Variants in ATP8A2 observed in about 807,000 individuals in gnomAD.
ATP8A2 encodes ATPase phospholipid transporting 8A2.
A neutral mutation model predicts 165.6 loss-of-function variants in ATP8A2; 100 were observed. The observed-to-expected ratio is 0.60, with a 90% confidence interval of 0.51 to 0.71. The LOEUF (loss-of-function observed/expected upper bound fraction) is 0.71. Among genes scored for constraint, ATP8A2 ranks in the 30% least tolerant of loss-of-function variants. The pLI is 0.00. For synonymous variants in ATP8A2, 543 were observed against 548.8 expected (o/e 0.99, Z 0.15); for missense variants, 1,227 against 1,479.5 (o/e 0.83, Z 2.80).
At chr13:25,398,540 T>C (rs1326005246) in intron 1 of ATP8A2, among the ~76,000 whole-genome samples, 1 of 152,202 alleles carries the variant, frequency 6.6e-6, no homozygotes, top group Non-Finnish European at 1.5e-5. Flanking sequence ...TTGTGATCAC[T>C]GTGGGCCATC....
At chr13:25,437,273 C>A (rs1566132714) in intron 1 of ATP8A2, among the ~76,000 whole-genome samples, 1 of 152,152 alleles carries the variant, frequency 6.6e-6, no homozygotes, top group Non-Finnish European at 1.5e-5. Context: ...TGGAATACTT[C>A]ATCTTAGCAC....
intron 29 of ATP8A2, among the ~76,000 whole-genome samples, chr13:25,838,156 A>T (rs1951667991): frequency 6.6e-6 from 1 of 152,038 alleles, no homozygotes; most frequent in African/African-American, 2.4e-5. Flanking sequence ...GGCGGTCATG[A>T]TTTGCGTGCA....
chr13:25,830,228 G>C (rs1593414206), intron 28 of ATP8A2, among the ~76,000 whole-genome samples: 1 of 151,854 alleles, frequency 6.6e-6, no homozygotes, highest in Non-Finnish European at 1.5e-5. Flanking sequence ...GCCCAGATTG[G>C]TCTCAAACTC....
At position 25,632,456 on chromosome 13, in the gene ATP8A2, C is replaced by T. The variant is rs375652816; in HGVS notation, c.2211+42757C>T. ...TGACCTAGGGGTCACTGGTAGCCAT[C>T]TCATTAACATGCGAAAGACATCACT... On this transcript the variant is annotated intron_variant, in intron 24 of 36. Transcript: ENST00000381655. 3.3e-5 allele frequency among the ~76,000 whole-genome samples: 5 copies of T among 152,318 alleles called. No individual in the cohort carries two copies. The East Asian group carries it at 7.7e-4, about 24-fold the overall frequency.
chr13:25,596,380 A>G (rs1296097516), intron 24 of ATP8A2, among the ~76,000 whole-genome samples: 1 of 152,248 alleles, frequency 6.6e-6, no homozygotes, highest in African/African-American at 2.4e-5. Flanking sequence ...AAATGTATAT[A>G]AGCATGTAAT....
chr13:25,621,661 A>C lies in ATP8A2; in HGVS notation c.2211+31962A>C, dbSNP rs143105625. The stretch of plus-strand genomic sequence containing the variant: ...GAAAACTGGAAAAAAGGTAGGATTC[A>C]TAAGACAGTGGATTCCCATCCAGTG... On this transcript the variant is annotated intron_variant, in intron 24 of 36. Transcript: ENST00000381655. Among the ~76,000 whole-genome samples, 9 of 152,342 alleles carry C rather than the reference A, an allele frequency of 5.9e-5. No homozygotes were observed. The East Asian group carries it at 1.5e-3, about 26-fold the overall frequency.
chr13:25,842,677 AAAAG>A (rs1360774275), intron 30 of ATP8A2, among the ~76,000 whole-genome samples: 27 of 151,896 alleles, frequency 1.8e-4, no homozygotes, highest in Middle Eastern at 3.4e-3. Context: ...GTCAAAAAAA[AAAAG>A]AAAGAAAGAA....
chr13:25,967,575 T>G (rs1955807375), intron 34 of ATP8A2, among the ~76,000 whole-genome samples: 1 of 152,218 alleles, frequency 6.6e-6, no homozygotes. Flanking sequence ...TGGGTCCTGG[T>G]ACATAGCAGG....
intron 33 of ATP8A2, among the ~76,000 whole-genome samples, chr13:25,876,508 AAGG>A (rs1156431203): frequency 7.2e-5 from 11 of 152,166 alleles, no homozygotes; most frequent in African/African-American, 2.7e-4. Context: ...TGAAACCTGG[AAGG>A]AGAAGCTTTA....
intron 18 of ATP8A2, 75 bp from the exon 19 acceptor site, chr13:25,574,733 T>A: frequency 1.2e-6 from 1 of 860,546 alleles, no homozygotes; most frequent in Non-Finnish European, 2.0e-6. Flanking sequence ...ATATGTCTGT[T>A]TATGCTTGGG....
intron 24 of ATP8A2, among the ~76,000 whole-genome samples, chr13:25,666,960 C>CT (rs944074971): frequency 9.9e-5 from 15 of 151,868 alleles, no homozygotes; most frequent in Non-Finnish European, 1.8e-4. Flanking sequence ...GAAGTCATTA[C>CT]TTTTTTTTGC....
chr13:25,656,180 C>T (rs1320000043), intron 24 of ATP8A2, among the ~76,000 whole-genome samples: 2 of 152,122 alleles, frequency 1.3e-5, no homozygotes, highest in Non-Finnish European at 2.9e-5. Flanking sequence ...GGTTTACACA[C>T]GTAAATGCAT....
chr13:25,679,892 G>C lies in ATP8A2; in HGVS notation c.2212-19281G>C, dbSNP rs531107946. On this transcript the variant is annotated intron_variant, in intron 24 of 36. Coordinates refer to ENST00000381655, the MANE Select transcript of ATP8A2 (RefSeq NM_016529.6). ...CGGATTAGGAAAAATAGGAGGTCAA[G>C]GGGATTAAGACAGCATCAGTTTTCA... Among the ~76,000 whole-genome samples, 350 of 152,272 alleles carry C rather than the reference G, an allele frequency of 2.3e-3. 3 individuals carry two copies. The highest frequency in any genetic ancestry group is 8.2e-3 in the African/African-American group (340 of 41,566).
rs879509655 is a variant in ATP8A2 at position 25,979,064 on chromosome 13, G to A, written c.3377+10385G>A. On this transcript the variant is annotated intron_variant, in intron 35 of 36. Transcript: ENST00000381655. ...ACGTGGTCTCTGTCACTAGACTAGT[G>A]ACTAGTCTCTGTCACTAGTGGTCTC... 6.4e-3 allele frequency among the ~76,000 whole-genome samples: 976 copies of A among 152,244 alleles called. 5 individuals carry two copies. The highest frequency in any genetic ancestry group is 0.027 in the Middle Eastern group (8 of 294).
intron 14 of ATP8A2, 22 bp from the exon 15 acceptor site, chr13:25,559,699 C>G (rs1054341479): frequency 2.5e-6 from 4 of 1,606,898 alleles, no homozygotes; most frequent in Non-Finnish European, 3.4e-6. Flanking sequence ...TGTGACCACT[C>G]TGTTTTCCGT....
intron 30 of ATP8A2, among the ~76,000 whole-genome samples, chr13:25,846,162 C>T (rs916851507): frequency 1.3e-5 from 2 of 151,888 alleles, no homozygotes; most frequent in African/African-American, 2.4e-5. Flanking sequence ...GTGACAAGAG[C>T]GAAACTCAGT....
chr13:25,706,317 C>T (rs1156961613), intron 25 of ATP8A2, among the ~76,000 whole-genome samples: 1 of 152,110 alleles, frequency 6.6e-6, no homozygotes, highest in Non-Finnish European at 1.5e-5. Context: ...TCATTCCCAA[C>T]GTCAGGTCAG....
Position 25,602,777 on chromosome 13 carries a change from A to C in ATP8A2, c.2211+13078A>C, listed in dbSNP as rs577279532. On this transcript the variant is annotated intron_variant, in intron 24 of 36. Coordinates refer to ENST00000381655, the MANE Select transcript of ATP8A2 (RefSeq NM_016529.6). Reference sequence around the variant, plus strand: ...AGTGACATGATCTGATTTACCTTTTAAAAGGATATCTGGGCCAGGCACAGT... The same window carrying C: ...AGTGACATGATCTGATTTACCTTTTCAAAGGATATCTGGGCCAGGCACAGT... 7.2e-5 allele frequency among the ~76,000 whole-genome samples: 11 copies of C among 152,294 alleles called. No homozygotes were observed. In the South Asian group the frequency reaches 2.3e-3, roughly 32 times the overall value.
chr13:25,879,816 A>G (rs981273070), intron 33 of ATP8A2, among the ~76,000 whole-genome samples: 6 of 152,378 alleles, frequency 3.9e-5, no homozygotes, highest in African/African-American at 1.2e-4. Flanking sequence ...TTTGGCTTCC[A>G]TAGGGGAAAG....
Sources: gnomAD v4.1 joint callset for allele counts (sites outside exome capture counted in the v4.1 genomes callset) on GRCh38, gnomAD v4.1.1 for gene constraint, MANE v1.5 for transcripts, NCBI Gene and HGNC (gene_info 2026-07-23, HGNC 2026-07-21) for gene names.